The following PTPRU variants were observed in gnomAD, a reference collection of about 807,000 sequenced individuals.
PTPRU encodes the protein protein tyrosine phosphatase receptor type U, also known as receptor-type tyrosine-protein phosphatase U.
A neutral mutation model predicts 166.3 loss-of-function variants in PTPRU; 69 were observed. That is an observed-to-expected ratio of 0.41 (90% confidence interval 0.34 to 0.51). PTPRU has a LOEUF of 0.51. Among genes scored for constraint, PTPRU ranks in the 20% least tolerant of loss-of-function variants. PTPRU has a pLI of 0.09. For missense variants in PTPRU, 1,657 were observed against 2,013.7 expected (o/e 0.82, Z 3.39); for synonymous variants, 793 against 814.0 (o/e 0.97, Z 0.44).
chr1:29,259,684 G>T, intron 5 of PTPRU, 120 bp downstream of exon 5: 2 of 1,243,218 alleles, frequency 1.6e-6, no homozygotes, highest in Non-Finnish European at 1.1e-6. Flanking sequence ...TGCGCACAGC[G>T]TCCCGGCCCT....
At chr1:29,268,861 A>G (rs1685416088) in intron 7 of PTPRU, among the ~76,000 whole-genome samples, 1 of 152,206 alleles carries the variant, frequency 6.6e-6, no homozygotes, top group Non-Finnish European at 1.5e-5. Context: ...GTGATCAGAC[A>G]GTGGGTCAAG....
At chr1:29,297,579 C>T (rs1258587079) in intron 15 of PTPRU, among the ~76,000 whole-genome samples, 1 of 152,102 alleles carries the variant, frequency 6.6e-6, no homozygotes, top group Non-Finnish European at 1.5e-5. Context: ...GTAGAGGAGG[C>T]ACTGTATGTG....
chr1:29,287,894 A>G (rs557191744), intron 14 of PTPRU, among the ~76,000 whole-genome samples: 10 of 151,702 alleles, frequency 6.6e-5, no homozygotes, highest in Middle Eastern at 3.4e-3. Context: ...GCTCACTGCA[A>G]CCTCTGCCTC....
In PTPRU at chr1:29,271,634, T is replaced by C. The variant is rs1244548785; in HGVS notation, c.1145-3814T>C. On this transcript the variant is annotated intron_variant, in intron 7 of 29. Coordinates refer to ENST00000373779, the MANE Select transcript of PTPRU (RefSeq NM_133178.4). This position sits in a 1 kb window ranked among gnomAD's most constrained non-coding sequence, Gnocchi z 4.4. ...TCACATAAAAATTGGAATTTCTGGC[T>C]CCTCTTGAAAAATGGGAGGATCTGG... 6.6e-6 allele frequency among the ~76,000 whole-genome samples: 1 copy of C among 152,176 alleles called. No homozygotes were observed. The highest frequency in any genetic ancestry group is 2.4e-5 in the African/African-American group (1 of 41,450).
chr1:29,273,065 A>G (rs764799943), intron 7 of PTPRU, among the ~76,000 whole-genome samples: 36 of 152,114 alleles, frequency 2.4e-4, no homozygotes, highest in Non-Finnish European at 4.7e-4. Context: ...ACTTGAGAGT[A>G]ATGAAACTAT....
intron 22 of PTPRU, among the ~76,000 whole-genome samples, chr1:29,313,276 C>A (rs889402835): frequency 1.3e-5 from 2 of 152,110 alleles, no homozygotes; most frequent in African/African-American, 4.8e-5. Flanking sequence ...GAGAGCGTAA[C>A]CCCCAACCTT....
In PTPRU at chr1:29,303,974, G is replaced by A. The variant is rs765064227; in HGVS notation, c.2596G>A (p.Val866Ile). The change falls in exon 16 of 30, where the codon GTC (valine) becomes ATC (isoleucine). Residue 866 changes from valine to isoleucine, a missense_variant. Transcript: ENST00000373779. ...GGGGCAGCTGCACCCTGCGGTGCGT[G>A]TCGCAGACCTTCTGCAGCACATCAA... ...HTGQLHPAVR[V>I]ADLLQHINQM... The A allele has an allele frequency of 3.1e-6, 5 of 1,613,690 alleles. No homozygotes were observed. The highest frequency in any genetic ancestry group is 3.4e-6 in the Non-Finnish European group (4 of 1,179,766).
chr1:29,295,173 C>T (rs1686824628), intron 15 of PTPRU, among the ~76,000 whole-genome samples: 1 of 152,000 alleles, frequency 6.6e-6, no homozygotes, highest in South Asian at 2.1e-4. Flanking sequence ...GGAGCTGGGA[C>T]TACAGGGGCG....
In PTPRU at chr1:29,279,924, A is replaced by G. The variant is rs534154639; in HGVS notation, c.1766-115A>G. The G allele has an allele frequency of 8.6e-6, 10 of 1,157,982 alleles. No homozygotes were observed. In the East Asian group the frequency reaches 2.0e-4, roughly 23 times the overall value. 71.7% of individuals were successfully genotyped at this position (1,157,982 alleles called of 1,614,324 possible). A position where few individuals can be genotyped will look rare whatever the true frequency, so the allele number is the denominator to read the frequency against. On this transcript the variant is annotated intron_variant, in intron 10 of 29. Transcript: ENST00000373779. This position sits in a 1 kb window ranked among gnomAD's most constrained non-coding sequence, Gnocchi z 5.2. ...AGCTCAGGTCATGTCAGCAGGAACA[A>G]AGAGGCTAAGGCTGAAGTAGGGGAG...
intron 1 of PTPRU, among the ~76,000 whole-genome samples, chr1:29,250,335 T>A (rs377583522): frequency 6.6e-6 from 1 of 152,172 alleles, no homozygotes; most frequent in Non-Finnish European, 1.5e-5. Context: ...TGAAGCTGAA[T>A]TAACACTTAT....
Position 29,260,007 on chromosome 1 carries a change from C to T in PTPRU, c.813C>T (p.Gly271=), listed in dbSNP as rs200792915. 181 of 1,484,662 alleles carry T rather than the reference C, an allele frequency of 1.2e-4. 2 individuals are homozygous for T. In the East Asian group the frequency reaches 4.1e-3, roughly 34 times the overall value. 92.0% of individuals were successfully genotyped at this position (1,484,662 alleles called of 1,614,324 possible). A position where few individuals can be genotyped will look rare whatever the true frequency, so the allele number is the denominator to read the frequency against. Reference sequence around the variant, plus strand: ...GCTGTGTGTCCCAGGCCCCGCGCGGCGCGGGCGTCTCTAACTTCGCGGAGC... The same window carrying T: ...GCTGTGTGTCCCAGGCCCCGCGCGGTGCGGGCGTCTCTAACTTCGCGGAGC... ...LYRCVSQAPR[G]AGVSNFAELI... The change falls in exon 6 of 30, where the codon GGC becomes GGT. Residue 271 remains glycine (G), a synonymous_variant. Coordinates refer to ENST00000373779, the MANE Select transcript of PTPRU (RefSeq NM_133178.4). This position sits in a 1 kb window ranked among gnomAD's most constrained non-coding sequence, Gnocchi z 8.3.
At chr1:29,278,365 C>T (rs1035209413) in intron 8 of PTPRU, among the ~76,000 whole-genome samples, 2 of 152,146 alleles carry the variant, frequency 1.3e-5, no homozygotes, top group Non-Finnish European at 2.9e-5. Context: ...GGTATTTTCC[C>T]AAGCAAAGAT....
At chr1:29,295,411 T>A (rs1686837218) in intron 15 of PTPRU, among the ~76,000 whole-genome samples, 1 of 152,196 alleles carries the variant, frequency 6.6e-6, no homozygotes, top group South Asian at 2.1e-4. Flanking sequence ...TTGGATGGTT[T>A]TGTATTGAAT....
At chr1:29,240,617 C>G (rs983705374) in intron 1 of PTPRU, among the ~76,000 whole-genome samples, 12 of 152,070 alleles carry the variant, frequency 7.9e-5, no homozygotes, top group Non-Finnish European at 1.6e-4. Context: ...GGTTGAGTCC[C>G]TGGCAAGAGA....
intron 7 of PTPRU, among the ~76,000 whole-genome samples, chr1:29,261,687 C>T (rs926591011): frequency 1.3e-5 from 2 of 152,150 alleles, no homozygotes; most frequent in African/African-American, 4.8e-5. Flanking sequence ...CATGCTCCAC[C>T]ATGCCTGGCT....
chr1:29,275,874 T>C (rs1311068250), intron 8 of PTPRU, 118 bp downstream of exon 8: 1 of 1,118,054 alleles, frequency 8.9e-7, no homozygotes. Flanking sequence ...TTAAACCAAC[T>C]GTATAACACC....
chr1:29,325,045 C>G, intron 28 of PTPRU, 146 bp from the exon 29 acceptor site: 1 of 1,143,594 alleles, frequency 8.7e-7, no homozygotes, highest in Non-Finnish European at 1.3e-6. Flanking sequence ...CGCCCCTCAC[C>G]TCTGGGCTCT....
Position 29,280,187 on chromosome 1 carries a change from A to G in PTPRU, c.1868+46A>G, listed in dbSNP as rs748059303. The G allele has an allele frequency of 1.3e-6, 2 of 1,526,148 alleles. No individual in the cohort carries two copies. Among genetic ancestry groups the G allele is most frequent in the South Asian group, 1.1e-5 (1 of 88,482 alleles). 94.5% of individuals were successfully genotyped at this position (1,526,148 alleles called of 1,614,324 possible). A position where few individuals can be genotyped will look rare whatever the true frequency, so the allele number is the denominator to read the frequency against. Reference sequence around the variant, plus strand: ...GGGTGGGAGTCCAGGGCCTTAGGAAAGAGGCCCCTCCTCTGACCCAGAGCC... The same window carrying G: ...GGGTGGGAGTCCAGGGCCTTAGGAAGGAGGCCCCTCCTCTGACCCAGAGCC... On this transcript the variant is annotated intron_variant, in intron 11 of 29. Transcript: ENST00000373779. This position sits in a 1 kb window ranked among gnomAD's most constrained non-coding sequence, Gnocchi z 4.2.
At chr1:29,243,826 G>A (rs1267548894) in intron 1 of PTPRU, among the ~76,000 whole-genome samples, 1 of 152,210 alleles carries the variant, frequency 6.6e-6, no homozygotes, top group Non-Finnish European at 1.5e-5. Flanking sequence ...AGGGGTGAAT[G>A]CAGGAGCTGG....
Sources: gnomAD v4.1 joint callset for allele counts (sites outside exome capture counted in the v4.1 genomes callset) on GRCh38, gnomAD v4.1.1 for gene constraint, Gnocchi (gnomAD v3.1) non-coding constraint, MANE v1.5 for transcripts, NCBI Gene and HGNC (gene_info 2026-07-23, HGNC 2026-07-21) for gene names.